The following KCNH8 variants were observed in gnomAD, a reference collection of about 807,000 sequenced individuals.
KCNH8 encodes voltage-gated delayed rectifier potassium channel KCNH8.
A neutral mutation model predicts 103.6 loss-of-function variants in KCNH8; 70 were observed. That is an observed-to-expected ratio of 0.68 (90% CI 0.56 to 0.82). KCNH8 has a LOEUF of 0.82. Among genes scored for constraint, KCNH8 ranks in the 40% least tolerant of loss-of-function variants. The pLI is 0.00. For synonymous variants in KCNH8, 498 were observed against 489.4 expected (o/e 1.02, Z -0.23); for missense variants, 1,217 against 1,329.9 (o/e 0.92, Z 1.32).
chr3:19,518,743 T>C (rs1338034311), intron 15 of KCNH8, among the ~76,000 whole-genome samples: 1 of 152,068 alleles, frequency 6.6e-6, no homozygotes, highest in Non-Finnish European at 1.5e-5. Flanking sequence ...AGTTAATCTC[T>C]ATTCTTATGT....
intron 11 of KCNH8, among the ~76,000 whole-genome samples, chr3:19,498,596 C>T (rs2068500603): frequency 6.6e-6 from 1 of 152,196 alleles, no homozygotes; most frequent in Admixed American, 6.6e-5. Context: ...AGTCATTCTC[C>T]ATCCAGCTTT....
At chr3:19,255,378 G>A (rs1010747232) in intron 2 of KCNH8, among the ~76,000 whole-genome samples, 1 of 152,128 alleles carries the variant, frequency 6.6e-6, no homozygotes, top group Non-Finnish European at 1.5e-5. Flanking sequence ...AGACAATGGG[G>A]TTTTCTAGAT....
At chr3:19,198,104 G>C (rs983020203) in intron 1 of KCNH8, among the ~76,000 whole-genome samples, 3 of 152,000 alleles carry the variant, frequency 2.0e-5, no homozygotes, top group Non-Finnish European at 4.4e-5. Flanking sequence ...AACATTTATT[G>C]AGTATTCGTC....
At chr3:19,296,865 T>TA (rs953361627) in intron 3 of KCNH8, among the ~76,000 whole-genome samples, 74 of 147,480 alleles carry the variant, frequency 5.0e-4, no homozygotes, top group South Asian at 2.2e-3. Flanking sequence ...ATTTTTTTCT[T>TA]AAAAAAAAAA....
chr3:19,268,428 G>C (rs1456944324), intron 2 of KCNH8, among the ~76,000 whole-genome samples: 2 of 152,038 alleles, frequency 1.3e-5, no homozygotes, highest in African/African-American at 4.8e-5. Context: ...TTGAGACACG[G>C]AGAGAAGGCC....
chr3:19,338,319 C>T (rs555074135), intron 3 of KCNH8, among the ~76,000 whole-genome samples: 6 of 152,086 alleles, frequency 3.9e-5, no homozygotes, highest in South Asian at 2.1e-4. Flanking sequence ...CTTTGCTCCT[C>T]GACCCTATCT....
intron 2 of KCNH8, among the ~76,000 whole-genome samples, chr3:19,278,570 A>G (rs145490109): frequency 0.11 from 12,939 of 122,108 alleles, 1,724 homozygotes; most frequent in African/African-American, 0.36. Flanking sequence ...AGGGAGGAGG[A>G]AGGGAGGGAG....
intron 3 of KCNH8, among the ~76,000 whole-genome samples, chr3:19,318,666 C>CGTGTGT (rs1559474389): frequency 0.048 from 3,267 of 68,180 alleles, 36 homozygotes; most frequent in Middle Eastern, 0.067. Flanking sequence ...TGTGTGTACA[C>CGTGTGT]ACACACACAC....
At chr3:19,374,697 T>C (rs868075018) in intron 5 of KCNH8, among the ~76,000 whole-genome samples, 6 of 152,122 alleles carry the variant, frequency 3.9e-5, no homozygotes, top group Admixed American at 2.6e-4. Flanking sequence ...TTCTTCCTAG[T>C]CTCGATGGTC....
At chr3:19,326,897 C>T (rs2065431459) in intron 3 of KCNH8, among the ~76,000 whole-genome samples, 1 of 152,144 alleles carries the variant, frequency 6.6e-6, no homozygotes, top group Non-Finnish European at 1.5e-5. Context: ...CATGTAGCTG[C>T]TATCAGCTTG....
At chr3:19,523,278 T>G (rs2069005174) in intron 15 of KCNH8, among the ~76,000 whole-genome samples, 1 of 151,994 alleles carries the variant, frequency 6.6e-6, no homozygotes, top group Admixed American at 6.6e-5. Context: ...TTATATGCAC[T>G]ATTATCCTAA....
chr3:19,455,617 A>G (rs564074088), intron 10 of KCNH8, among the ~76,000 whole-genome samples: 3 of 152,108 alleles, frequency 2.0e-5, no homozygotes, highest in Non-Finnish European at 2.9e-5. Context: ...GTGAATACCA[A>G]CATGGTATTC....
At chr3:19,492,054 T>C (rs558622413) in intron 11 of KCNH8, among the ~76,000 whole-genome samples, 8 of 152,250 alleles carry the variant, frequency 5.3e-5, no homozygotes, top group East Asian at 3.8e-4. Context: ...TTTAAGTTTC[T>C]TATAGATTCT....
At position 19,364,535 on chromosome 3, in the gene KCNH8, A is replaced by AT. The variant is rs552374938; in HGVS notation, c.811+16576dup. Among the ~76,000 whole-genome samples, 21 of 152,222 alleles carry AT rather than the reference A, an allele frequency of 1.4e-4. No homozygotes were observed. The East Asian group carries it at 3.3e-3, about 24-fold the overall frequency. On this transcript the variant is annotated intron_variant, in intron 5 of 15. Transcript: ENST00000328405. ...CTGCCGACTTGGTTACTGGCCAGCT[A>AT]TTTTTTGGTGAATAAATCTAAGCCT...
At chr3:19,529,039 C>T (rs375947416) in intron 15 of KCNH8, among the ~76,000 whole-genome samples, 1 of 152,122 alleles carries the variant, frequency 6.6e-6, no homozygotes, top group East Asian at 1.9e-4. Flanking sequence ...GGAGAAGAGC[C>T]CGCAGTCAGA....
At chr3:19,501,203 TAC>T (rs2068575109) in intron 11 of KCNH8, among the ~76,000 whole-genome samples, 1 of 152,146 alleles carries the variant, frequency 6.6e-6, no homozygotes, top group South Asian at 2.1e-4. Context: ...CCTCGACACA[TAC>T]ACTCTCCCAA....
At chr3:19,365,516 G>T (rs1442196) in intron 5 of KCNH8, among the ~76,000 whole-genome samples, 1 of 151,658 alleles carries the variant, frequency 6.6e-6, no homozygotes, top group African/African-American at 2.4e-5. Context: ...TAATTGTTAC[G>T]CATTTAAGAT....
At chr3:19,345,789 T>C (rs2065721542) in intron 4 of KCNH8, among the ~76,000 whole-genome samples, 1 of 152,084 alleles carries the variant, frequency 6.6e-6, no homozygotes, top group East Asian at 1.9e-4. Flanking sequence ...AATTTAAATC[T>C]AATCTCAAAT....
intron 1 of KCNH8, 39 bp downstream of exon 1, chr3:19,148,834 G>A (rs1375902939): frequency 6.4e-7 from 1 of 1,565,550 alleles, no homozygotes; most frequent in East Asian, 2.2e-5. Context: ...GGCATTTTCT[G>A]AGACTGATTT....
Sources: allele counts gnomAD v4.1 joint callset (sites outside exome capture counted in the v4.1 genomes callset), GRCh38; gene constraint gnomAD v4.1.1; transcripts MANE v1.5; gene names NCBI Gene and HGNC (gene_info 2026-07-23, HGNC 2026-07-21).